Variants in VGLL4 observed in about 807,000 individuals in gnomAD.
The protein encoded by VGLL4 is transcription cofactor vestigial-like protein 4.
Under a neutral mutation model 21.0 loss-of-function variants are expected in VGLL4, and 7 were observed. The ratio of observed to expected loss-of-function variants is 0.33; its 90% CI spans 0.19 to 0.63. The LOEUF (loss-of-function observed/expected upper bound fraction) is 0.63. VGLL4 is among the 20% of genes least tolerant of loss of function. VGLL4 has a pLI of 0.78. For synonymous variants in VGLL4, 222 were observed against 173.2 expected (o/e 1.28, Z -2.21); for missense variants, 394 against 425.7 (o/e 0.93, Z 0.66).
intron 2 of VGLL4, chr3:11,702,644 T>TAAA (rs2125404866): frequency 6.6e-6 from 1 of 151,466 alleles, no homozygotes; most frequent in Non-Finnish European, 1.4e-5. Flanking sequence ...AATAAATAAA[T>TAAA]TAAATTAAAT....
chr3:11,668,553 G>A (rs1254583118), intron 2 of VGLL4, among the ~76,000 whole-genome samples: 1 of 152,116 alleles, frequency 6.6e-6, no homozygotes, highest in Non-Finnish European at 1.5e-5. Flanking sequence ...CGTTTGAGAA[G>A]GACAGGCCTA....
At chr3:11,572,051 G>A (rs1055001110) in intron 2 of VGLL4, among the ~76,000 whole-genome samples, 9 of 151,994 alleles carry the variant, frequency 5.9e-5, no homozygotes, top group African/African-American at 2.2e-4. Context: ...AGGTTGCAGT[G>A]AGCTGAGATC....
In VGLL4 at chr3:11,653,579, T is replaced by C. The variant is rs1342406101; in HGVS notation, c.64+49392A>G. Among the ~76,000 whole-genome samples the C allele has an allele frequency of 6.6e-6, 1 of 152,214 alleles. No homozygotes were observed. The highest frequency in any genetic ancestry group is 1.5e-5 in the Non-Finnish European group (1 of 68,036). On this transcript the variant is annotated intron_variant, in intron 2 of 5. Transcript: ENST00000273038. This position sits in a 1 kb window ranked among gnomAD's most constrained non-coding sequence, Gnocchi z 4.2. ...TCTACCTGGGGGTTATTATAAATAGTGCTGCTATGAATATTCTAGTGTGTG... is the reference window on the plus strand; with the variant it reads ...TCTACCTGGGGGTTATTATAAATAGCGCTGCTATGAATATTCTAGTGTGTG...
At chr3:11,561,362 G>A (rs186573356) in intron 3 of VGLL4, among the ~76,000 whole-genome samples, 3 of 152,336 alleles carry the variant, frequency 2.0e-5, no homozygotes, top group Middle Eastern at 6.8e-3. Flanking sequence ...AGCAGGGCAG[G>A]CTGGCTGACT....
chr3:11,572,729 T>C (rs1490487755), intron 2 of VGLL4, among the ~76,000 whole-genome samples: 2 of 152,196 alleles, frequency 1.3e-5, no homozygotes, highest in African/African-American at 4.8e-5. Flanking sequence ...GTCTTGGAGC[T>C]CTACCCATGT....
chr3:11,566,524 T>G (rs1413540179), intron 2 of VGLL4, among the ~76,000 whole-genome samples: 1 of 152,190 alleles, frequency 6.6e-6, no homozygotes, highest in Non-Finnish European at 1.5e-5. Context: ...CGGGCCTTGG[T>G]AGCCTCTGGG....
rs1248946366 is a variant in VGLL4, at chr3:11,653,848, C to A, written c.64+49123G>T. ...GCAGCCACACTACGACTTTACTTCG[C>A]ACTTCTCTGATGGACAGTAAGAACT... On this transcript the variant is annotated intron_variant, in intron 2 of 5. Transcript: ENST00000273038. This position sits in a 1 kb window ranked among gnomAD's most constrained non-coding sequence, Gnocchi z 4.2. Among the ~76,000 whole-genome samples, 1 of 152,190 alleles carries A rather than the reference C, an allele frequency of 6.6e-6. No homozygotes were observed. The highest frequency in any genetic ancestry group is 1.5e-5 in the Non-Finnish European group (1 of 68,022).
intron 1 of VGLL4, chr3:11,633,577 G>A (rs1188705787): frequency 6.6e-6 from 1 of 152,646 alleles, no homozygotes; most frequent in African/African-American, 2.4e-5. Context: ...GGCTGAGGCA[G>A]AAGAATCGCT....
Position 11,577,595 on chromosome 3 carries a change from A to C in VGLL4, c.273-12576T>G, listed in dbSNP as rs557299318. ...ACAACAGAGCAAGACCCCACCCCCC[A>C]AAAAAACTGTACACTGGAAAGATTG... On this transcript the variant is annotated intron_variant, in intron 2 of 4. Coordinates refer to ENST00000430365, the MANE Select transcript of VGLL4 (RefSeq NM_001128219.3). Among the ~76,000 whole-genome samples, 51 of 152,218 alleles carry C rather than the reference A, an allele frequency of 3.4e-4. No homozygotes were observed. In the South Asian group the frequency reaches 5.0e-3, roughly 15 times the overall value.
At chr3:11,559,225 G>A in intron 4 of VGLL4, 107 bp downstream of exon 4, 1 of 1,430,304 alleles carries the variant, frequency 7.0e-7, no homozygotes, top group African/African-American at 1.4e-5. Flanking sequence ...TTCAACCTCA[G>A]CAATAGATGG....
chr3:11,602,013 G>C lies in VGLL4; in HGVS notation c.92C>G (p.Ala31Gly). Reference sequence around the variant, plus strand: ...CTGTATTCTGGGTTCTCCCCTGAGAGCAGCTTCGCCTACGCAGAGAGAGAT... The same window carrying C: ...CTGTATTCTGGGTTCTCCCCTGAGACCAGCTTCGCCTACGCAGAGAGAGAT... Reference protein sequence around the residue: ...IGILCYEGEAALRGEPRIQTL... With the variant: ...IGILCYEGEAGLRGEPRIQTL... Residue 31 changes from alanine to glycine, a missense_variant, in exon 2 of 5, where the codon GCT becomes GGT. Physicochemically the swap from Ala to Gly is moderately conservative, Grantham distance 60 (BLOSUM62 0). Transcript: ENST00000430365. The C allele has an allele frequency of 1.3e-6, 2 of 1,568,276 alleles. No homozygotes were observed. Among genetic ancestry groups the C allele is most frequent in the Non-Finnish European group, 1.7e-6 (2 of 1,162,196 alleles).
intron 2 of VGLL4, among the ~76,000 whole-genome samples, chr3:11,665,979 G>A (rs1314952664): frequency 1.3e-5 from 2 of 152,146 alleles, no homozygotes; most frequent in African/African-American, 4.8e-5. Flanking sequence ...GGCCGGGCGC[G>A]GTGGCTCACG....
intron 1 of VGLL4, chr3:11,703,114 G>A (rs2076707076): frequency 1.5e-6 from 2 of 1,353,984 alleles, no homozygotes; most frequent in Non-Finnish European, 2.0e-6. Context: ...TAGAATCCTA[G>A]TCATTAACAG....
chr3:11,604,313 G>A, intron 1 of VGLL4: 1 of 843,310 alleles, frequency 1.2e-6, no homozygotes, highest in Non-Finnish European at 1.4e-6. Flanking sequence ...CCAAAACATA[G>A]CGTGACTTAC....
chr3:11,592,190 T>TA (rs1239994277), intron 2 of VGLL4, among the ~76,000 whole-genome samples: 1 of 152,236 alleles, frequency 6.6e-6, no homozygotes, highest in African/African-American at 2.4e-5. Flanking sequence ...TTCAAATACT[T>TA]AAAGTAAATT....
intron 2 of VGLL4, among the ~76,000 whole-genome samples, chr3:11,674,397 G>A (rs1559938002): frequency 3.3e-5 from 5 of 152,284 alleles, no homozygotes; most frequent in African/African-American, 7.2e-5. Flanking sequence ...CACAATCCCC[G>A]AGAGTTACTC....
chr3:11,581,187 C>T (rs1266624337), intron 2 of VGLL4, among the ~76,000 whole-genome samples: 2 of 152,066 alleles, frequency 1.3e-5, no homozygotes, highest in East Asian at 3.9e-4. Context: ...CTGCCTCAGC[C>T]TCCCAAGTAG....
chr3:11,608,492 T>C (rs2074994392), intron 1 of VGLL4, among the ~76,000 whole-genome samples: 1 of 152,196 alleles, frequency 6.6e-6, no homozygotes, highest in South Asian at 2.1e-4. Context: ...AGAATCAGCA[T>C]GTTTATTTCA....
chr3:11,628,480 A>T (rs1294878341), intron 1 of VGLL4, among the ~76,000 whole-genome samples: 1 of 152,240 alleles, frequency 6.6e-6, no homozygotes, highest in Non-Finnish European at 1.5e-5. Context: ...TATCAAAAAA[A>T]GTTTAAATGT....
Sources: allele counts gnomAD v4.1 joint callset (sites outside exome capture counted in the v4.1 genomes callset), GRCh38; gene constraint gnomAD v4.1.1; non-coding constraint Gnocchi (gnomAD v3.1); transcripts MANE v1.5; gene names NCBI Gene and HGNC (gene_info 2026-07-23, HGNC 2026-07-21).